The following GSE1 variants were observed in gnomAD, a reference collection of about 807,000 sequenced individuals.
GSE1 encodes genetic suppressor element 1.
GSE1 carries 32 observed loss-of-function variants against 112.6 expected under a neutral mutation model. The observed-to-expected ratio is 0.28, with a 90% CI of 0.21 to 0.38. The LOEUF is 0.38. Among genes scored for constraint, GSE1 ranks in the 10% least tolerant of loss-of-function variants. The probability of loss-of-function intolerance (pLI) is 1.00; values close to 1 mark genes in which losing one functional copy is unlikely to be tolerated. For missense variants in GSE1, 2,348 were observed against 1,699.2 expected (o/e 1.38, Z -6.71); for synonymous variants, 1,115 against 735.6 (o/e 1.52, Z -8.35).
intron 1 of GSE1, among the ~76,000 whole-genome samples, chr16:85,288,884 A>C (rs1226070017): frequency 6.6e-6 from 1 of 152,292 alleles, no homozygotes; most frequent in African/African-American, 2.4e-5. Context: ...CTCTTTGCCA[A>C]CTGAGACAGG....
intron 2 of GSE1, among the ~76,000 whole-genome samples, chr16:85,391,879 C>T (rs991843735): frequency 6.6e-6 from 1 of 152,180 alleles, no homozygotes; most frequent in African/African-American, 2.4e-5. Flanking sequence ...TATGCTGGAA[C>T]GTGTTCCCGG....
chr16:85,213,584 G>A (rs2075261918), intron 1 of GSE1, among the ~76,000 whole-genome samples: 1 of 152,246 alleles, frequency 6.6e-6, no homozygotes, highest in African/African-American at 2.4e-5. Flanking sequence ...GAAGTGTCAC[G>A]TGTCCGGGCT....
At chr16:85,589,508 T>A (rs561403824) in intron 1 of GSE1, among the ~76,000 whole-genome samples, 83 of 152,160 alleles carry the variant, frequency 5.5e-4, no homozygotes, top group Non-Finnish European at 1.0e-3. Context: ...CCCTGGCATC[T>A]CTGGAAGGTG....
chr16:85,504,108 C>T (rs962375837), intron 2 of GSE1, among the ~76,000 whole-genome samples: 6 of 152,224 alleles, frequency 3.9e-5, no homozygotes, highest in Non-Finnish European at 7.3e-5. Flanking sequence ...CTGATCCCTA[C>T]CAGCTGGTAG....
At chr16:85,362,860 AG>A (rs2047112143) in intron 2 of GSE1, among the ~76,000 whole-genome samples, 1 of 103,380 alleles carries the variant, frequency 9.7e-6, no homozygotes, top group Admixed American at 1.3e-4. Flanking sequence ...TTTTGAGATG[AG>A]GTCTCACTCT....
In GSE1 at chr16:85,672,817, C is replaced by G. The variant is rs1057371793; in HGVS notation, c.*278C>G. ...TCGCCCTTCCTCTCCCACATTATTTCTTAATCTGAACATGAAGGCTCCATT... is the reference window on the plus strand; with the variant it reads ...TCGCCCTTCCTCTCCCACATTATTTGTTAATCTGAACATGAAGGCTCCATT... On this transcript the variant is annotated 3_prime_UTR_variant, in exon 16 of 16. Coordinates refer to ENST00000253458, the MANE Select transcript of GSE1 (RefSeq NM_014615.5). 6.5e-6 allele frequency: 1 copy of G among 152,804 alleles called. No individual in the cohort carries two copies. The highest frequency in any genetic ancestry group is 1.5e-5 in the Non-Finnish European group (1 of 67,500). 9.5% of individuals were successfully genotyped at this position (152,804 alleles called of 1,614,324 possible).
intron 1 of GSE1, among the ~76,000 whole-genome samples, chr16:85,278,276 T>C (rs1485969864): frequency 2.0e-5 from 3 of 152,182 alleles, no homozygotes; most frequent in African/African-American, 7.2e-5. Flanking sequence ...CTCTTCTTGC[T>C]CCTGAGTAGT....
chr16:85,380,734 G>T (rs1257767200), intron 2 of GSE1, among the ~76,000 whole-genome samples: 1 of 152,128 alleles, frequency 6.6e-6, no homozygotes, highest in African/African-American at 2.4e-5. Context: ...CTCACTGGGG[G>T]TCCTGCATCA....
intron 6 of GSE1, 92 bp from the exon 7 acceptor site, chr16:85,656,251 C>T (rs2051919055): frequency 2.8e-5 from 42 of 1,493,464 alleles, no homozygotes; most frequent in Non-Finnish European, 3.7e-5. Flanking sequence ...AGCGCCCTGG[C>T]TCGTTCCTGG....
chr16:85,588,735 A>G (rs2046825584), intron 1 of GSE1, among the ~76,000 whole-genome samples: 1 of 152,158 alleles, frequency 6.6e-6, no homozygotes, highest in African/African-American at 2.4e-5. Flanking sequence ...CGTGGCCGTT[A>G]TTAACAAGGA....
chr16:85,346,559 A>G (rs1362158656), intron 1 of GSE1, among the ~76,000 whole-genome samples: 7 of 135,702 alleles, frequency 5.2e-5, no homozygotes, highest in South Asian at 2.7e-4. Context: ...TGGGTGATGG[A>G]CAGGCGGATG....
At chr16:85,255,126 C>T (rs1475537338) in intron 1 of GSE1, among the ~76,000 whole-genome samples, 4 of 152,216 alleles carry the variant, frequency 2.6e-5, no homozygotes, top group African/African-American at 7.2e-5. Flanking sequence ...TCCGGCTCCC[C>T]GAGGGGCGGG....
chr16:85,543,596 A>G (rs1283163469), intron 2 of GSE1, among the ~76,000 whole-genome samples: 2 of 152,088 alleles, frequency 1.3e-5, no homozygotes, highest in African/African-American at 4.8e-5. Context: ...TCTTGGAACC[A>G]TTGGTTCTAA....
At chr16:85,515,637 C>CG (rs1280986399) in intron 2 of GSE1, among the ~76,000 whole-genome samples, 3 of 77,204 alleles carry the variant, frequency 3.9e-5, no homozygotes, top group African/African-American at 1.6e-4. Flanking sequence ...CTGAACAGGT[C>CG]GGGGGGCGTG....
intron 2 of GSE1, among the ~76,000 whole-genome samples, chr16:85,538,802 T>A (rs1037545560): frequency 6.6e-6 from 1 of 152,142 alleles, no homozygotes; most frequent in Non-Finnish European, 1.5e-5. Context: ...TTAAGCCACC[T>A]TCGTTTCCTT....
exon 1 of GSE1, chr16:85,171,790 G>C (rs2074362354): frequency 1.0e-6 from 1 of 985,560 alleles, no homozygotes; most frequent in Admixed American, 6.1e-5. Flanking sequence ...GAGCTCCCCG[G>C]TGGCAGCAGC....
chr16:85,636,422 C>T (rs1376838212), intron 2 of GSE1, among the ~76,000 whole-genome samples: 1 of 152,210 alleles, frequency 6.6e-6, no homozygotes, highest in African/African-American at 2.4e-5. Context: ...GAATCTCCAG[C>T]TGGTCACCCC....
chr16:85,450,063 G>A (rs1229455303), intron 2 of GSE1, among the ~76,000 whole-genome samples: 1 of 149,144 alleles, frequency 6.7e-6, no homozygotes, highest in African/African-American at 2.5e-5. Context: ...CATGTAATGG[G>A]AACCCTGTTA....
At chr16:85,545,916 G>A (rs1198598992) in intron 2 of GSE1, among the ~76,000 whole-genome samples, 3 of 151,814 alleles carry the variant, frequency 2.0e-5, no homozygotes, top group Non-Finnish European at 2.9e-5. Flanking sequence ...CCGAGTAGCT[G>A]GGACTACAGG....
Sources: allele counts gnomAD v4.1 joint callset (sites outside exome capture counted in the v4.1 genomes callset), GRCh38; gene constraint gnomAD v4.1.1; transcripts MANE v1.5; gene names NCBI Gene and HGNC (gene_info 2026-07-23, HGNC 2026-07-21).